Variants in PIK3C2G observed in about 807,000 individuals in gnomAD.
PIK3C2G encodes phosphatidylinositol 3-kinase C2 domain-containing subunit gamma.
In PIK3C2G, 168 loss-of-function variants were observed where a neutral mutation model predicts 181.1. That is an observed-to-expected ratio of 0.93 (90% CI 0.82 to 1.05). The LOEUF is 1.05. PIK3C2G is among the 50% of genes least tolerant of loss of function. PIK3C2G has a pLI of 0.00. For synonymous variants in PIK3C2G, 573 were observed against 592.2 expected, an observed-to-expected ratio of 0.97 and a Z score of 0.47; for missense variants, 1,869 against 1,732.8, an observed-to-expected ratio of 1.08 and a Z score of -1.40.
chr12:18,260,357 T>C (rs1395588575), upstream of PIK3C2G, among the ~76,000 whole-genome samples: 2 of 152,134 alleles, frequency 1.3e-5, no homozygotes, highest in African/African-American at 4.8e-5. Context: ...TAAAGTCATC[T>C]ATCTCCCCAG....
At position 18,359,697 on chromosome 12, in the gene PIK3C2G, T is replaced by C. The variant is rs574047987; in HGVS notation, c.1626-3067T>C. On this transcript the variant is annotated intron_variant, in intron 11 of 32. Transcript: ENST00000538779. ...TGGTCAATTTACCTTTTTGTCATTATACAATCTCCTTCTCTTTTTCTTGTT... is the reference window on the plus strand; with the variant it reads ...TGGTCAATTTACCTTTTTGTCATTACACAATCTCCTTCTCTTTTTCTTGTT... 8.5e-5 allele frequency among the ~76,000 whole-genome samples: 13 copies of C among 152,336 alleles called. No homozygotes were observed. The South Asian group carries it at 2.1e-3, about 24-fold the overall frequency.
intron 2 of PIK3C2G, among the ~76,000 whole-genome samples, chr12:18,283,293 T>C (rs1949304016): frequency 1.3e-5 from 2 of 152,172 alleles, no homozygotes; most frequent in Admixed American, 6.5e-5. Context: ...TGACTCATCT[T>C]AATGCTTTTA....
Position 18,362,787 on chromosome 12 carries a change from G to A in PIK3C2G, c.1649G>A (p.Cys550Tyr). The A allele has an allele frequency of 6.6e-7, 1 of 1,522,884 alleles. No individual in the cohort carries two copies. Among genetic ancestry groups the A allele is most frequent in the Non-Finnish European group, 8.8e-7 (1 of 1,142,078 alleles). 94.3% of individuals were successfully genotyped at this position (1,522,884 alleles called of 1,614,324 possible). A position where few individuals can be genotyped will look rare whatever the true frequency, so the allele number is the denominator to read the frequency against. Residue 550 changes from cysteine to tyrosine, a missense_variant, in exon 12 of 33, where the codon TGT (cysteine) becomes TAT (tyrosine). Coordinates refer to ENST00000538779, the MANE Select transcript of PIK3C2G (RefSeq NM_001288772.2). ...VHSYKAFSFTCWLTYAGKKLC... is the reference protein window; with the variant it reads ...VHSYKAFSFTYWLTYAGKKLC... ...AGCTACAAAGCGTTTTCTTTTACCT[G>A]TTGGCTTACATATGCTGGAAAGAAG...
intron 18 of PIK3C2G, among the ~76,000 whole-genome samples, chr12:18,440,104 GAATAAT>G (rs1454387028): frequency 1.3e-5 from 2 of 151,972 alleles, no homozygotes; most frequent in Non-Finnish European, 2.9e-5. Context: ...CTAAAAATTA[GAATAAT>G]AATATTTACT....
At chr12:18,346,228 A>T (rs1238427264) in intron 10 of PIK3C2G, among the ~76,000 whole-genome samples, 3 of 152,300 alleles carry the variant, frequency 2.0e-5, no homozygotes, top group East Asian at 1.9e-4. Flanking sequence ...GCATCATCAA[A>T]TTTATTATGA....
intron 11 of PIK3C2G, among the ~76,000 whole-genome samples, chr12:18,361,463 G>A (rs1312239393): frequency 1.3e-5 from 2 of 151,560 alleles, no homozygotes; most frequent in Non-Finnish European, 2.9e-5. Context: ...TTATTACCTT[G>A]TGTTGAGATA....
intron 15 of PIK3C2G, among the ~76,000 whole-genome samples, chr12:18,392,430 G>A (rs1392813783): frequency 1.3e-5 from 2 of 152,048 alleles, no homozygotes; most frequent in East Asian, 3.9e-4. Flanking sequence ...TTCACTTCAA[G>A]CCAGTAACAT....
the PIK3C2G span, among the ~76,000 whole-genome samples, chr12:18,658,556 A>G: frequency 0.029 from 4,467 of 152,210 alleles, 211 homozygotes; most frequent in African/African-American, 0.1. Context: ...AAGACCATCA[A>G]CCAAGAGATC....
the PIK3C2G span, chr12:18,701,803 T>A: frequency 6.4e-7 from 1 of 1,574,434 alleles, no homozygotes; most frequent in Non-Finnish European, 8.6e-7. Flanking sequence ...AGAGATACAA[T>A]TACACATTTA....
chr12:18,470,064 TC>T (rs1311199114), intron 18 of PIK3C2G, among the ~76,000 whole-genome samples: 1 of 152,114 alleles, frequency 6.6e-6, no homozygotes, highest in African/African-American at 2.4e-5. Flanking sequence ...TTATATCTCC[TC>T]TTTTACTCCA....
chr12:18,516,068 T>A (rs1346465126), intron 24 of PIK3C2G, among the ~76,000 whole-genome samples: 1 of 152,120 alleles, frequency 6.6e-6, no homozygotes, highest in Non-Finnish European at 1.5e-5. Flanking sequence ...ACCAGTGATT[T>A]TAATACATTC....
intron 24 of PIK3C2G, 91 bp from the exon 25 acceptor site, chr12:18,538,065 T>G: frequency 7.9e-7 from 1 of 1,272,080 alleles, no homozygotes; most frequent in African/African-American, 1.5e-5. Context: ...AAAAAGAAAA[T>G]TCAAATGAAA....
At chr12:18,522,008 G>A (rs540703698) in intron 24 of PIK3C2G, among the ~76,000 whole-genome samples, 10 of 152,202 alleles carry the variant, frequency 6.6e-5, no homozygotes, top group Admixed American at 1.3e-4. Context: ...CCTGCCCTAT[G>A]TGGCTCTCAG....
chr12:18,344,154 AC>A (rs1565618804), intron 10 of PIK3C2G, among the ~76,000 whole-genome samples: 2 of 152,092 alleles, frequency 1.3e-5, no homozygotes, highest in African/African-American at 4.8e-5. Flanking sequence ...GCACAGGAAT[AC>A]TCTGAGTATC....
At chr12:18,300,602 T>C (rs373059456) in intron 5 of PIK3C2G, among the ~76,000 whole-genome samples, 27 of 152,214 alleles carry the variant, frequency 1.8e-4, no homozygotes, top group African/African-American at 6.3e-4. Flanking sequence ...GTAATTTAAT[T>C]TCTTTATATT....
intron 11 of PIK3C2G, among the ~76,000 whole-genome samples, chr12:18,360,936 A>G (rs1941180837): frequency 6.6e-6 from 1 of 151,906 alleles, no homozygotes; most frequent in Non-Finnish European, 1.5e-5. Flanking sequence ...GTTTTTCACC[A>G]TTACTTTTTC....
intron 29 of PIK3C2G, among the ~76,000 whole-genome samples, chr12:18,571,286 A>G (rs11044191): frequency 0.057 from 8,611 of 150,586 alleles, 1,324 homozygotes; most frequent in African/African-American, 0.2. Context: ...AAATTTTGCA[A>G]TGTTTTATGA....
At chr12:18,679,593 C>T in the PIK3C2G span, among the ~76,000 whole-genome samples, 91,245 of 151,620 alleles carry the variant, frequency 0.6, 27,661 homozygotes, top group South Asian at 0.66. Context: ...TCAATGTTTC[C>T]GAGCCTGTGT....
intron 28 of PIK3C2G, among the ~76,000 whole-genome samples, chr12:18,563,794 G>A (rs888007718): frequency 1.3e-5 from 2 of 151,986 alleles, no homozygotes; most frequent in Admixed American, 1.3e-4. Flanking sequence ...TCATTTGCCT[G>A]TTTTTAATTT....
Sources: gnomAD v4.1 joint callset for allele counts (sites outside exome capture counted in the v4.1 genomes callset) on GRCh38, gnomAD v4.1.1 for gene constraint, MANE v1.5 for transcripts, NCBI Gene and HGNC (gene_info 2026-07-23, HGNC 2026-07-21) for gene names.